SYT7: variants seen among roughly 807,000 people sequenced by gnomAD.
SYT7 encodes synaptotagmin-7.
A neutral mutation model predicts 75.1 loss-of-function variants in SYT7; 29 were observed. The ratio of observed to expected loss-of-function variants is 0.39; its 90% CI spans 0.29 to 0.53. The LOEUF is 0.53. Among genes scored for constraint, SYT7 ranks in the 20% least tolerant of loss-of-function variants. The pLI is 0.77. For synonymous variants in SYT7, 376 were observed against 401.7 expected, an observed-to-expected ratio of 0.94 and a Z score of 0.76; for missense variants, 693 against 953.2, an observed-to-expected ratio of 0.73 and a Z score of 3.59.
At position 61,538,346 on chromosome 11, in the gene SYT7, G is replaced by GGAGAGGGAGA. The variant is rs1555006884; in HGVS notation, c.942-81_942-80insTCTCCCTCTC. ...GGGGGCAGGGGGGAAGGAGAGAGAGGGAGAGAGAGAGAGAGAGAGAGAGAG... is the reference window on the plus strand; with the variant it reads ...GGGGGCAGGGGGGAAGGAGAGAGAGGGAGAGGGAGAGAGAGAGAGAGAGAGAGAGAGAGAG... On this transcript the variant is annotated intron_variant, in intron 6 of 12. Transcript: ENST00000539008. 66 of 203,272 alleles carry GGAGAGGGAGA rather than the reference G, an allele frequency of 3.2e-4. No homozygotes were observed. The East Asian group carries it at 4.7e-3, about 14-fold the overall frequency. 12.6% of individuals were successfully genotyped at this position (203,272 alleles called of 1,614,324 possible).
In SYT7 at chr11:61,523,912, G is replaced by A; in HGVS notation, c.1671C>T (p.Leu557=). Residue 557 remains leucine (L), a synonymous_variant, in exon 11 of 13, where the codon CTC becomes CTT. Transcript: ENST00000539008. The surrounding 1 kb of genome is among the most constrained non-coding windows in gnomAD (Gnocchi z 5.0). ...SGSRGELLLS[L]CYNPSANSII... ...TGGAGTTGGCAGAGGGGTTGTAGCAGAGAGACAAGAGCAGCTCCCCTCGGC... is the reference window on the plus strand; with the variant it reads ...TGGAGTTGGCAGAGGGGTTGTAGCAAAGAGACAAGAGCAGCTCCCCTCGGC... 1.2e-6 allele frequency: 2 copies of A among 1,614,086 alleles called. No homozygotes were observed. The highest frequency in any genetic ancestry group is 1.3e-5 in the African/African-American group (1 of 75,032).
At chr11:61,533,147 G>A (rs201749268) in intron 7 of SYT7, 23 bp from the exon 8 acceptor site, 2 of 1,557,804 alleles carry the variant, frequency 1.3e-6, no homozygotes, top group Non-Finnish European at 1.7e-6. Flanking sequence ...GAGTCCAAAT[G>A]AGATTGGGCT....
At chr11:61,586,777 T>G in the SYT7 span, among the ~76,000 whole-genome samples, 1 of 152,088 alleles carries the variant, frequency 6.6e-6, no homozygotes, top group Non-Finnish European at 1.5e-5. Context: ...GACTTTTGGG[T>G]GTGGGGGAAG....
chr11:61,559,590 C>T (rs1241408176), intron 1 of SYT7, among the ~76,000 whole-genome samples: 1 of 152,034 alleles, frequency 6.6e-6, no homozygotes, highest in African/African-American at 2.4e-5. Context: ...GAGGTCACAG[C>T]CACACTCCAG....
At chr11:61,536,763 G>A (rs888547990) in intron 7 of SYT7, among the ~76,000 whole-genome samples, 2 of 152,176 alleles carry the variant, frequency 1.3e-5, no homozygotes, top group Non-Finnish European at 2.9e-5. Context: ...CCACCAGAGG[G>A]ACAGGCAAGC....
Position 61,551,923 on chromosome 11 carries a change from G to A in SYT7, c.136-460C>T, listed in dbSNP as rs1369996249. On this transcript the variant is annotated intron_variant, in intron 2 of 12. Coordinates refer to ENST00000539008, the MANE Select transcript of SYT7 (RefSeq NM_001365809.2). This position sits in a 1 kb window ranked among gnomAD's most constrained non-coding sequence, Gnocchi z 5.3. ...TGTGAGCAGTGGGGGCGGGGAGAAG[G>A]CCATGTCCCCAGTCCTGCTCGGGGC... 1.3e-5 allele frequency among the ~76,000 whole-genome samples: 2 copies of A among 152,156 alleles called. No individual in the cohort carries two copies. The highest frequency in any genetic ancestry group is 4.8e-5 in the African/African-American group (2 of 41,444).
In SYT7 at chr11:61,571,373, G is replaced by T. The variant is rs191005488; in HGVS notation, c.31+9417C>A. On this transcript the variant is annotated intron_variant, in intron 1 of 12. Coordinates refer to ENST00000539008, the MANE Select transcript of SYT7 (RefSeq NM_001365809.2). ...CAGGCTGGGTCACATATGTCCACAA[G>T]CATCCCAGCACCAGAACAAGCTGAC... Among the ~76,000 whole-genome samples, 9 of 152,328 alleles carry T rather than the reference G, an allele frequency of 5.9e-5. No homozygotes were observed. In the East Asian group the frequency reaches 1.7e-3, roughly 29 times the overall value.
At position 61,551,267 on chromosome 11, in the gene SYT7, G is replaced by A. The variant is rs766114954; in HGVS notation, c.215+117C>T. ...TGGAGGGTGTAGAGAGCATGGCATC[G>A]GGGTGTGGGGGAAGTGAAAGTGTGT... On this transcript the variant is annotated intron_variant, in intron 3 of 12. Coordinates refer to ENST00000539008, the MANE Select transcript of SYT7 (RefSeq NM_001365809.2). The surrounding 1 kb of genome is among the most constrained non-coding windows in gnomAD (Gnocchi z 5.3). The A allele has an allele frequency of 1.1e-5, 11 of 968,186 alleles. No homozygotes were observed. The highest frequency in any genetic ancestry group is 2.5e-5 in the East Asian group (1 of 40,278). 60.0% of individuals were successfully genotyped at this position (968,186 alleles called of 1,614,324 possible).
Position 61,538,151 on chromosome 11 carries a change from C to G in SYT7, c.1057G>C (p.Asp353His). The G allele has an allele frequency of 6.5e-7, 1 of 1,536,028 alleles. No individual in the cohort carries two copies. The highest frequency in any genetic ancestry group is 8.7e-7 in the Non-Finnish European group (1 of 1,146,822). ...GTQQNQNAQGDKRLPAGGKAV... is the reference protein window; with the variant it reads ...GTQQNQNAQGHKRLPAGGKAV... ...CCTCGCCTGTGCTCGTACCTCTTGTCCCCCTGAGCGTTCTGGTTCTGCTGG... is the reference window on the plus strand; with the variant it reads ...CCTCGCCTGTGCTCGTACCTCTTGTGCCCCTGAGCGTTCTGGTTCTGCTGG... The change falls in exon 7 of 13, where the codon GAC becomes CAC. Residue 353 changes from aspartate (D) to histidine (H), a missense_variant. Transcript: ENST00000539008.
intron 7 of SYT7, 120 bp from the exon 8 acceptor site, chr11:61,533,244 G>C (rs936194306): frequency 4.8e-6 from 7 of 1,454,116 alleles, no homozygotes; most frequent in Non-Finnish European, 5.4e-6. Context: ...CCGGCGGGCC[G>C]GCAGGAGCGG....
chr11:61,541,206 C>A, intron 6 of SYT7: 1 of 985,734 alleles, frequency 1.0e-6, no homozygotes, highest in Non-Finnish European at 1.2e-6. Context: ...TTCCTCCTCC[C>A]TTTCTCCTCG....
rs961069433 is a variant in SYT7 at position 61,551,008 on chromosome 11, G to C, written c.215+376C>G. Among the ~76,000 whole-genome samples the C allele has an allele frequency of 6.6e-6, 1 of 152,190 alleles. No homozygotes were observed. The highest frequency in any genetic ancestry group is 2.4e-5 in the African/African-American group (1 of 41,446). ...GGGCCCACTAGGGAGGGGCCTCCCC[G>C]GCCTAGCAGCAGGGGCCCCATGAGA... On this transcript the variant is annotated intron_variant, in intron 3 of 12. Coordinates refer to ENST00000539008, the MANE Select transcript of SYT7 (RefSeq NM_001365809.2). The surrounding 1 kb of genome is among the most constrained non-coding windows in gnomAD (Gnocchi z 5.3).
chr11:61,577,643 C>G (rs548056587), intron 1 of SYT7, among the ~76,000 whole-genome samples: 5 of 152,206 alleles, frequency 3.3e-5, no homozygotes, highest in African/African-American at 1.2e-4. Context: ...CCCGCTGTGC[C>G]AAGGCCCCCT....
At chr11:61,566,094 G>A (rs1303336141) in intron 1 of SYT7, among the ~76,000 whole-genome samples, 1 of 152,256 alleles carries the variant, frequency 6.6e-6, no homozygotes, top group East Asian at 1.9e-4. Flanking sequence ...GAGCTATGAG[G>A]ACCTTGTCCA....
At chr11:61,525,560 G>T (rs2062489748) in intron 9 of SYT7, 1 of 152,018 alleles carries the variant, frequency 6.6e-6, no homozygotes, top group Non-Finnish European at 1.5e-5. Context: ...GAGAGTGTCG[G>T]ATCCCATTAT....
At chr11:61,558,499 CACACAT>C (rs1422724771) in intron 1 of SYT7, among the ~76,000 whole-genome samples, 3 of 140,828 alleles carry the variant, frequency 2.1e-5, no homozygotes, top group African/African-American at 5.4e-5. Context: ...CACACACACA[CACACAT>C]ACACACACAC....
intron 1 of SYT7, among the ~76,000 whole-genome samples, chr11:61,572,738 G>A (rs1315882100): frequency 1.3e-5 from 2 of 152,094 alleles, no homozygotes; most frequent in African/African-American, 4.8e-5. Context: ...CCCTTCTCTG[G>A]GCTGGCTTTC....
At chr11:61,539,949 G>A (rs2062994115) in intron 6 of SYT7, 1 of 152,118 alleles carries the variant, frequency 6.6e-6, no homozygotes, top group Non-Finnish European at 1.5e-5. Flanking sequence ...TCTGCCCACC[G>A]GTACTGTTTC....
Position 61,576,710 on chromosome 11 carries a change from G to A in SYT7, c.31+4080C>T, listed in dbSNP as rs1279678077. Reference sequence around the variant, plus strand: ...AAAGTCCGTGAGAGAATAGGGGGTGGGTGGGGAGTAGGATGGGGGGACTCA... The same window carrying A: ...AAAGTCCGTGAGAGAATAGGGGGTGAGTGGGGAGTAGGATGGGGGGACTCA... On this transcript the variant is annotated intron_variant, in intron 1 of 12. Transcript: ENST00000539008. The surrounding 1 kb of genome is among the most constrained non-coding windows in gnomAD (Gnocchi z 4.1). Among the ~76,000 whole-genome samples, 1 of 151,872 alleles carries A rather than the reference G, an allele frequency of 6.6e-6. No individual in the cohort carries two copies. The highest frequency in any genetic ancestry group is 2.4e-5 in the African/African-American group (1 of 41,320).
Sources: allele counts gnomAD v4.1 joint callset (sites outside exome capture counted in the v4.1 genomes callset), GRCh38; gene constraint gnomAD v4.1.1; non-coding constraint Gnocchi (gnomAD v3.1); transcripts MANE v1.5; gene names NCBI Gene and HGNC (gene_info 2026-07-23, HGNC 2026-07-21).